AKAP6: variants seen among roughly 807,000 people sequenced by gnomAD.
The protein encoded by AKAP6 is A-kinase anchoring protein 6.
A neutral mutation model predicts 188.5 loss-of-function variants in AKAP6; 58 were observed. The observed-to-expected ratio is 0.31, with a 90% CI of 0.25 to 0.38. AKAP6 has a LOEUF of 0.38. AKAP6 is among the 10% of genes least tolerant of loss of function. AKAP6 has a pLI of 1.00. For synonymous variants in AKAP6, 989 were observed against 998.6 expected (o/e 0.99, Z 0.18); for missense variants, 2,710 against 2,740.0 (o/e 0.99, Z 0.24).
intron 2 of AKAP6, among the ~76,000 whole-genome samples, chr14:32,496,750 TA>T (rs1341852051): frequency 2.0e-5 from 3 of 152,134 alleles, no homozygotes; most frequent in African/African-American, 7.2e-5. Context: ...TTTTGACCTA[TA>T]AAAATGGCAA....
At chr14:32,554,610 G>T (rs4981985) in intron 4 of AKAP6, among the ~76,000 whole-genome samples, 104,695 of 152,032 alleles carry the variant, frequency 0.69, 37,313 homozygotes, top group African/African-American at 0.9. Context: ...AAATAAAATC[G>T]ATTTATGAAG....
At chr14:32,422,490 A>G (rs370362491) in intron 1 of AKAP6, among the ~76,000 whole-genome samples, 27 of 152,182 alleles carry the variant, frequency 1.8e-4, no homozygotes, top group African/African-American at 5.8e-4. Flanking sequence ...TCAGGGATGT[A>G]TTACCCTTCT....
intron 11 of AKAP6, among the ~76,000 whole-genome samples, chr14:32,756,162 G>A (rs559544977): frequency 2.6e-5 from 4 of 152,188 alleles, no homozygotes; most frequent in African/African-American, 7.2e-5. Flanking sequence ...TAGGTCCACT[G>A]GGATGAGCCT....
intron 12 of AKAP6, among the ~76,000 whole-genome samples, chr14:32,790,136 A>T (rs967983061): frequency 1.3e-5 from 2 of 152,224 alleles, no homozygotes; most frequent in African/African-American, 2.4e-5. Context: ...CCTGAAGACT[A>T]TCTTTCTAAA....
At chr14:32,474,071 T>A (rs567060008) in intron 2 of AKAP6, 1 of 152,298 alleles carries the variant, frequency 6.6e-6, no homozygotes, top group South Asian at 2.1e-4. Flanking sequence ...CTAATTTTTG[T>A]ATTTTTGGTA....
At chr14:32,561,458 GACTA>G (rs933333267) in intron 4 of AKAP6, among the ~76,000 whole-genome samples, 1 of 152,176 alleles carries the variant, frequency 6.6e-6, no homozygotes, top group African/African-American at 2.4e-5. Context: ...TTTTATGAGA[GACTA>G]ACTGTGAGGA....
At chr14:32,335,844 T>G (rs1886677031) in intron 1 of AKAP6, among the ~76,000 whole-genome samples, 1 of 59,916 alleles carries the variant, frequency 1.7e-5, no homozygotes, top group Non-Finnish European at 3.1e-5. Flanking sequence ...CTTTTCTCCT[T>G]TTTTTTTTTT....
chr14:32,445,155 G>A (rs576592952), intron 2 of AKAP6, among the ~76,000 whole-genome samples: 67 of 152,160 alleles, frequency 4.4e-4, no homozygotes, highest in African/African-American at 1.5e-3. Context: ...TCCTTCTCTC[G>A]ACATTTTCCT....
chr14:32,491,302 T>C (rs1181439645), intron 2 of AKAP6, among the ~76,000 whole-genome samples: 1 of 152,240 alleles, frequency 6.6e-6, no homozygotes, highest in East Asian at 1.9e-4. Context: ...TATAATTTGT[T>C]CACTCCTTTC....
intron 1 of AKAP6, among the ~76,000 whole-genome samples, chr14:32,396,558 C>T (rs2138599551): frequency 6.6e-6 from 1 of 152,290 alleles, no homozygotes; most frequent in Admixed American, 6.5e-5. Context: ...GTATGTGCTG[C>T]TGTTTGGGCT....
rs544997334 is a variant in AKAP6, at chr14:32,769,037, A to ATTTTTTTTTTTTTTTTTTTTTTTTTTT, written c.3373-4640_3373-4614dup. ...ACTAGGGGATGCAGCTGCTCTTTTGATTTTTTTTTTTTTTTTTTTTTTTTT... is the reference window on the plus strand; with the variant it reads ...ACTAGGGGATGCAGCTGCTCTTTTGATTTTTTTTTTTTTTTTTTTTTTTTTTTTTTTTTTTTTTTTTTTTTTTTTTTT... On this transcript the variant is annotated intron_variant, in intron 11 of 13. Transcript: ENST00000280979. Among the ~76,000 whole-genome samples, 14 of 56,922 alleles carry ATTTTTTTTTTTTTTTTTTTTTTTTTTT rather than the reference A, an allele frequency of 2.5e-4. 5 individuals carry two copies. The highest frequency in any genetic ancestry group is 1.6e-3 in the East Asian group (2 of 1,262). 37.3% of individuals were successfully genotyped at this position (56,922 alleles called of 152,430 possible).
chr14:32,828,206 T>C (rs975517374), intron 13 of AKAP6, among the ~76,000 whole-genome samples: 1 of 152,160 alleles, frequency 6.6e-6, no homozygotes, highest in African/African-American at 2.4e-5. Context: ...CTGAGAAAGC[T>C]GTAAGAGCAA....
At chr14:32,364,885 C>T (rs1353675306) in intron 1 of AKAP6, among the ~76,000 whole-genome samples, 1 of 152,090 alleles carries the variant, frequency 6.6e-6, no homozygotes, top group East Asian at 1.9e-4. Flanking sequence ...TGCTTTGATT[C>T]TGGAATCAGG....
At chr14:32,431,913 G>A (rs1354252267) in intron 1 of AKAP6, among the ~76,000 whole-genome samples, 1 of 152,178 alleles carries the variant, frequency 6.6e-6, no homozygotes, top group Non-Finnish European at 1.5e-5. Context: ...TGTCATAGGA[G>A]TAACTTAGTC....
Position 32,546,615 on chromosome 14 carries a change from G to T in AKAP6, c.1962G>T (p.Leu654=). 1 of 1,614,154 alleles carries T rather than the reference G, an allele frequency of 6.2e-7. No homozygotes were observed. The highest frequency in any genetic ancestry group is 1.6e-4 in the Middle Eastern group (1 of 6,062). ...ALKLENLTKL[L]PQKPRGETIQ... ...AGTTGGAAAACCTAACAAAGCTTCT[G>T]CCTCAGAAACCCAGAGGAGAAACCA... Residue 654 remains leucine, a synonymous_variant, in exon 4 of 14, where the codon CTG becomes CTT. Transcript: ENST00000280979.
At chr14:32,770,711 A>G (rs1245460263) in intron 11 of AKAP6, among the ~76,000 whole-genome samples, 1 of 152,050 alleles carries the variant, frequency 6.6e-6, no homozygotes, top group Non-Finnish European at 1.5e-5. Flanking sequence ...TATTTCATTG[A>G]CTCTTCAATA....
At chr14:32,656,486 A>G (rs145818744) in intron 7 of AKAP6, among the ~76,000 whole-genome samples, 99 of 152,282 alleles carry the variant, frequency 6.5e-4, no homozygotes, top group Middle Eastern at 3.4e-3. Flanking sequence ...AGTGCCAGCC[A>G]AAACTGACTC....
intron 12 of AKAP6, among the ~76,000 whole-genome samples, chr14:32,813,176 A>G (rs2140121154): frequency 6.6e-6 from 1 of 152,284 alleles, no homozygotes; most frequent in East Asian, 1.9e-4. Context: ...GAAGAGCTCA[A>G]GGAAACACTT....
chr14:32,756,520 C>T (rs1024645662), intron 11 of AKAP6, among the ~76,000 whole-genome samples: 6 of 151,432 alleles, frequency 4.0e-5, no homozygotes, highest in Non-Finnish European at 5.9e-5. Context: ...GTCCATGAGG[C>T]GTTGGTCTGG....
Sources: gnomAD v4.1 joint callset for allele counts (sites outside exome capture counted in the v4.1 genomes callset) on GRCh38, gnomAD v4.1.1 for gene constraint, MANE v1.5 for transcripts, NCBI Gene and HGNC (gene_info 2026-07-23, HGNC 2026-07-21) for gene names.